SMAD7: variants seen among roughly 807,000 people sequenced by gnomAD.
The protein encoded by SMAD7 is SMAD family member 7, also known as MAD (mothers against decapentaplegic, Drosophila) homolog 7.
A neutral mutation model predicts 38.7 loss-of-function variants in SMAD7; 8 were observed. The observed-to-expected ratio is 0.21, with a 90% CI of 0.12 to 0.37. SMAD7 has a LOEUF of 0.37. Ranked by LOEUF, SMAD7 falls within the 10% of genes least tolerant of loss-of-function variation. The probability of loss-of-function intolerance (pLI) is 1.00; values close to 1 mark genes in which losing one functional copy is unlikely to be tolerated. For missense variants in SMAD7, 477 were observed against 577.9 expected (o/e 0.83, Z 1.79); for synonymous variants, 327 against 265.1 (o/e 1.23, Z -2.27).
rs753051823 is a variant in SMAD7, at chr18:48,949,942, T to C, written c.483A>G (p.Lys161=). The change falls in exon 1 of 4, where the codon AAA becomes AAG. Residue 161 remains lysine, a synonymous_variant. Coordinates refer to ENST00000262158, the MANE Select transcript of SMAD7 (RefSeq NM_005904.4). ...GCCTGAGATCCGGCCACCTGAACAC[T>C]TTGCACAGCAGGAGGGGGAGCGAGT... The part of the protein sequence containing the change: ...SSYSLPLLLC[K]VFRWPDLRHS... 6.2e-7 allele frequency: 1 copy of C among 1,613,046 alleles called. No homozygotes were observed. Among genetic ancestry groups the C allele is most frequent in the Non-Finnish European group, 8.5e-7 (1 of 1,179,744 alleles).
intron 1 of SMAD7, among the ~76,000 whole-genome samples, chr18:48,949,605 G>GAGTT: frequency 6.6e-6 from 1 of 152,248 alleles, no homozygotes; most frequent in Admixed American, 6.5e-5. Context: ...AATGCCCTTT[G>GAGTT]AGTTTCCCCT....
At position 48,943,183 on chromosome 18, in the gene SMAD7, G is replaced by A. The variant is rs79418933; in HGVS notation, c.668-628C>T. Among the ~76,000 whole-genome samples the A allele has an allele frequency of 4.5e-3, 679 of 152,196 alleles. 4 individuals carry two copies. Among genetic ancestry groups the A allele is most frequent in the African/African-American group, 0.015 (629 of 41,514 alleles). ...AACATTCTCAGCAAGGCTCCGAGCCGGAGGGGAAATGTTCTACCTCTCCCA... is the reference window on the plus strand; with the variant it reads ...AACATTCTCAGCAAGGCTCCGAGCCAGAGGGGAAATGTTCTACCTCTCCCA... On this transcript the variant is annotated intron_variant, in intron 2 of 3. Coordinates refer to ENST00000262158, the MANE Select transcript of SMAD7 (RefSeq NM_005904.4).
rs1347981782 is a variant in SMAD7, at chr18:48,920,431, C to T, written c.*941G>A. 2 of 152,378 alleles carry T rather than the reference C, an allele frequency of 1.3e-5. No homozygotes were observed. The highest frequency in any genetic ancestry group is 2.9e-5 in the Non-Finnish European group (2 of 68,080). 9.4% of individuals were successfully genotyped at this position (152,378 alleles called of 1,614,324 possible). ...CTAAGCATGTCCCTCCCAGGGACAT[C>T]CCCGCTTGCTGGCCTAATAGCAGAG... is the stretch of plus-strand genomic sequence containing the variant. On this transcript the variant is annotated 3_prime_UTR_variant, in exon 4 of 4. Coordinates refer to ENST00000262158, the MANE Select transcript of SMAD7 (RefSeq NM_005904.4).
chr18:48,949,235 C>T (rs1445740225), intron 1 of SMAD7: 1 of 972,158 alleles, frequency 1.0e-6, no homozygotes, highest in Non-Finnish European at 1.2e-6. Context: ...ATACCCAGTT[C>T]GGCCTTCCAT....
chr18:48,931,456 G>A (rs1285340407), intron 3 of SMAD7, among the ~76,000 whole-genome samples: 10 of 152,048 alleles, frequency 6.6e-5, no homozygotes, highest in Non-Finnish European at 1.2e-4. Context: ...CAAAGATATC[G>A]GCCCCCTGCA....
intron 3 of SMAD7, among the ~76,000 whole-genome samples, chr18:48,924,911 C>T (rs561709756): frequency 6.6e-6 from 1 of 152,376 alleles, no homozygotes; most frequent in Non-Finnish European, 1.5e-5. Context: ...CCCATTGCCA[C>T]TACAGAGATT....
chr18:48,933,181 ACAAC>A (rs1271130069), intron 3 of SMAD7, among the ~76,000 whole-genome samples: 2 of 152,162 alleles, frequency 1.3e-5, no homozygotes, highest in Non-Finnish European at 2.9e-5. Context: ...AACAGACCAC[ACAAC>A]CAAAGCAGAA....
intron 2 of SMAD7, among the ~76,000 whole-genome samples, chr18:48,947,004 G>A (rs937349620): frequency 3.3e-5 from 5 of 152,114 alleles, no homozygotes; most frequent in African/African-American, 7.2e-5. Flanking sequence ...CAGGTCAGAG[G>A]TGGCCCCTTG....
At chr18:48,947,298 G>T (rs1948063608) in intron 2 of SMAD7, among the ~76,000 whole-genome samples, 1 of 152,184 alleles carries the variant, frequency 6.6e-6, no homozygotes, top group Admixed American at 6.5e-5. Context: ...CAGAGTATGG[G>T]CTTCGGTTAC....
intron 2 of SMAD7, chr18:48,942,872 G>T (rs2070158215): frequency 2.0e-6 from 2 of 996,402 alleles, no homozygotes; most frequent in African/African-American, 1.8e-5. Context: ...CAAGGTCAAA[G>T]GAGGTTTGGG....
chr18:48,923,175 G>C (rs1032211145), intron 3 of SMAD7, among the ~76,000 whole-genome samples: 3 of 152,224 alleles, frequency 2.0e-5, no homozygotes, highest in African/African-American at 4.8e-5. Context: ...AGGGCCCCAC[G>C]TCGGTCAGGG....
intron 3 of SMAD7, among the ~76,000 whole-genome samples, chr18:48,938,945 C>A (rs938364743): frequency 6.6e-6 from 1 of 152,132 alleles, no homozygotes; most frequent in Non-Finnish European, 1.5e-5. Context: ...CCCAGAGAGT[C>A]AGGCACAGAC....
intron 3 of SMAD7, among the ~76,000 whole-genome samples, chr18:48,940,190 AAAG>A (rs1260830762): frequency 2.0e-5 from 3 of 152,246 alleles, no homozygotes; most frequent in East Asian, 1.9e-4. Context: ...CTCTGAACGG[AAAG>A]AAGAAGGAGC....
chr18:48,938,563 C>T (rs1164317132), intron 3 of SMAD7, among the ~76,000 whole-genome samples: 1 of 152,164 alleles, frequency 6.6e-6, no homozygotes, highest in African/African-American at 2.4e-5. Context: ...CCAGCCAGCT[C>T]CAGACATTCA....
chr18:48,939,160 A>AC (rs2070106472), intron 3 of SMAD7, among the ~76,000 whole-genome samples: 2 of 110,500 alleles, frequency 1.8e-5, no homozygotes, highest in African/African-American at 7.4e-5. Flanking sequence ...CCACCCACAC[A>AC]CCCACCCCCA....
At chr18:48,923,229 C>A (rs971475823) in intron 3 of SMAD7, among the ~76,000 whole-genome samples, 1 of 152,232 alleles carries the variant, frequency 6.6e-6, no homozygotes, top group African/African-American at 2.4e-5. Context: ...CTCTTGGGGA[C>A]CTGGGGGGCA....
chr18:48,927,769 A>C (rs7227023), intron 3 of SMAD7, among the ~76,000 whole-genome samples: 1 of 152,094 alleles, frequency 6.6e-6, no homozygotes, highest in Admixed American at 6.5e-5. Context: ...CCCACACCCC[A>C]TGGTAGAACA....
At chr18:48,938,847 A>G (rs1239811793) in intron 3 of SMAD7, among the ~76,000 whole-genome samples, 1 of 152,204 alleles carries the variant, frequency 6.6e-6, no homozygotes, top group Non-Finnish European at 1.5e-5. Flanking sequence ...GACCTCTCCC[A>G]GGTGATCTTC....
At chr18:48,940,587 C>T (rs2070126477) in intron 3 of SMAD7, among the ~76,000 whole-genome samples, 1 of 152,106 alleles carries the variant, frequency 6.6e-6, no homozygotes, top group Non-Finnish European at 1.5e-5. Context: ...CCCATCTCTA[C>T]TAAAAATACA....
Sources: allele counts gnomAD v4.1 joint callset (sites outside exome capture counted in the v4.1 genomes callset), GRCh38; gene constraint gnomAD v4.1.1; transcripts MANE v1.5; gene names NCBI Gene and HGNC (gene_info 2026-07-23, HGNC 2026-07-21).